SLC35F1: variants seen among roughly 807,000 people sequenced by gnomAD.
SLC35F1 encodes chromosome 6 open reading frame 169.
Under a neutral mutation model 48.7 loss-of-function variants are expected in SLC35F1, and 14 were observed. The ratio of observed to expected loss-of-function variants is 0.29; its 90% CI spans 0.19 to 0.45. The LOEUF (loss-of-function observed/expected upper bound fraction) is 0.45, where lower values mean the gene tolerates loss of function less well. Ranked by LOEUF, SLC35F1 falls within the 20% of genes least tolerant of loss-of-function variation. The probability of loss-of-function intolerance (pLI) is 1.00; values close to 1 mark genes in which losing one functional copy is unlikely to be tolerated. For missense variants in SLC35F1, 404 were observed against 500.0 expected (o/e 0.81, Z 1.83); for synonymous variants, 190 against 202.2 (o/e 0.94, Z 0.51).
intron 1 of SLC35F1, among the ~76,000 whole-genome samples, chr6:118,074,306 G>T (rs533824100): frequency 2.6e-5 from 4 of 152,150 alleles, no homozygotes; most frequent in African/African-American, 7.2e-5. Context: ...AGTAATTCAG[G>T]TTGTGCAAAA....
At chr6:118,146,008 A>G (rs1773967544) in intron 1 of SLC35F1, among the ~76,000 whole-genome samples, 1 of 152,226 alleles carries the variant, frequency 6.6e-6, no homozygotes, top group Non-Finnish European at 1.5e-5. Flanking sequence ...ACACATAGAA[A>G]GACATGCTGA....
chr6:117,958,608 A>G (rs1184949776), intron 1 of SLC35F1, among the ~76,000 whole-genome samples: 3 of 152,194 alleles, frequency 2.0e-5, no homozygotes, highest in Non-Finnish European at 2.9e-5. Context: ...TGCCTACAGT[A>G]TTCAGTAAAG....
chr6:118,170,685 C>A (rs1465140202), intron 2 of SLC35F1, among the ~76,000 whole-genome samples: 1 of 152,162 alleles, frequency 6.6e-6, no homozygotes, highest in African/African-American at 2.4e-5. Context: ...AAGCAATCCA[C>A]CTGCCTTGGC....
intron 1 of SLC35F1, among the ~76,000 whole-genome samples, chr6:117,910,747 A>G (rs2114792946): frequency 1.3e-5 from 2 of 152,288 alleles, no homozygotes; most frequent in South Asian, 4.1e-4. Context: ...GAGTGGTGCA[A>G]TGGGACGAGA....
At chr6:118,248,152 T>C (rs1296523838) in intron 3 of SLC35F1, among the ~76,000 whole-genome samples, 1 of 152,194 alleles carries the variant, frequency 6.6e-6, no homozygotes, top group Non-Finnish European at 1.5e-5. Flanking sequence ...TGAATTCCAG[T>C]GCATTACAGA....
chr6:118,120,213 T>C (rs1773534489), intron 1 of SLC35F1, among the ~76,000 whole-genome samples: 1 of 152,170 alleles, frequency 6.6e-6, no homozygotes, highest in Non-Finnish European at 1.5e-5. Flanking sequence ...GCAATGATAC[T>C]ACAAAGAGAG....
chr6:118,120,426 A>G (rs1436816894), intron 1 of SLC35F1, among the ~76,000 whole-genome samples: 1 of 152,218 alleles, frequency 6.6e-6, no homozygotes, highest in African/African-American at 2.4e-5. Flanking sequence ...ATGCATACAG[A>G]TGCAGGTTGA....
At chr6:117,947,649 T>G (rs906472276) in intron 1 of SLC35F1, among the ~76,000 whole-genome samples, 3 of 152,166 alleles carry the variant, frequency 2.0e-5, no homozygotes, top group African/African-American at 7.2e-5. Context: ...CTGTACTGAT[T>G]GGGTGTAAAG....
chr6:117,981,937 C>T (rs1582598929), intron 1 of SLC35F1, among the ~76,000 whole-genome samples: 4 of 152,148 alleles, frequency 2.6e-5, no homozygotes. Context: ...TCCATGGTGC[C>T]TCTGCTGCCT....
At chr6:118,166,131 G>A (rs549169426) in intron 2 of SLC35F1, among the ~76,000 whole-genome samples, 1 of 151,954 alleles carries the variant, frequency 6.6e-6, no homozygotes, top group South Asian at 2.1e-4. Context: ...AAATCAGGGT[G>A]GGGAGAGGAA....
At chr6:117,966,338 C>G (rs533595855) in intron 1 of SLC35F1, among the ~76,000 whole-genome samples, 4 of 152,132 alleles carry the variant, frequency 2.6e-5, no homozygotes, top group African/African-American at 7.2e-5. Flanking sequence ...ACGAACCCAC[C>G]GGCAGGAACT....
intron 1 of SLC35F1, among the ~76,000 whole-genome samples, chr6:117,964,456 A>G (rs1206089024): frequency 6.6e-6 from 1 of 152,182 alleles, no homozygotes; most frequent in Non-Finnish European, 1.5e-5. Context: ...CTATTTGTAC[A>G]CTGTTCTTTC....
At chr6:118,184,897 C>T (rs1166581078) in intron 2 of SLC35F1, among the ~76,000 whole-genome samples, 1 of 152,138 alleles carries the variant, frequency 6.6e-6, no homozygotes, top group Non-Finnish European at 1.5e-5. Context: ...AAAATCTTTC[C>T]CCATATCAGA....
chr6:118,269,057 A>C (rs1323559990), intron 4 of SLC35F1, among the ~76,000 whole-genome samples: 1 of 152,198 alleles, frequency 6.6e-6, no homozygotes, highest in African/African-American at 2.4e-5. Context: ...TCGATAGTCA[A>C]CTATAAAGAT....
At chr6:117,924,420 T>G (rs12173291) in intron 1 of SLC35F1, among the ~76,000 whole-genome samples, 1 of 117,416 alleles carries the variant, frequency 8.5e-6, no homozygotes, top group African/African-American at 3.6e-5. Context: ...TATGTATATA[T>G]ACACATACGC....
At chr6:118,148,508 G>T (rs1211494008) in intron 1 of SLC35F1, among the ~76,000 whole-genome samples, 2 of 152,128 alleles carry the variant, frequency 1.3e-5, no homozygotes, top group African/African-American at 4.8e-5. Context: ...ATGAATACAA[G>T]CTCTATTATA....
rs79255439 is a variant in SLC35F1 at position 118,136,647 on chromosome 6, G to A, written c.174-17798G>A. On this transcript the variant is annotated intron_variant, in intron 1 of 7. Coordinates refer to ENST00000360388, the MANE Select transcript of SLC35F1 (RefSeq NM_001029858.4). ...GCTCAGCAGTCTTTCTCTATTTCTA[G>A]GCATATACTTTTAATAAACTTTCCC... 4.9e-4 allele frequency among the ~76,000 whole-genome samples: 74 copies of A among 152,130 alleles called. 2 individuals carry two copies. The East Asian group carries it at 0.014, about 28-fold the overall frequency.
intron 1 of SLC35F1, among the ~76,000 whole-genome samples, chr6:118,136,386 A>G (rs1773795684): frequency 6.6e-6 from 1 of 152,144 alleles, no homozygotes; most frequent in Admixed American, 6.5e-5. Context: ...ATTTTAAAAT[A>G]CCTTCAGGTC....
intron 1 of SLC35F1, among the ~76,000 whole-genome samples, chr6:118,079,009 T>TA (rs1418205066): frequency 6.6e-6 from 1 of 152,170 alleles, no homozygotes; most frequent in Non-Finnish European, 1.5e-5. Flanking sequence ...GGGGTCCACT[T>TA]AAAAAAATGT....
Sources: gnomAD v4.1 joint callset for allele counts (sites outside exome capture counted in the v4.1 genomes callset) on GRCh38, gnomAD v4.1.1 for gene constraint, MANE v1.5 for transcripts, NCBI Gene and HGNC (gene_info 2026-07-23, HGNC 2026-07-21) for gene names.